Variants in PDLIM7 observed in about 807,000 individuals in gnomAD.
PDLIM7 encodes PDZ and LIM domain 7.
PDLIM7 carries 37 observed loss-of-function variants against 53.9 expected under a neutral mutation model. That is an observed-to-expected ratio of 0.69 (90% CI 0.53 to 0.90). The LOEUF (loss-of-function observed/expected upper bound fraction) is 0.90, where lower values mean the gene tolerates loss of function less well. Among genes scored for constraint, PDLIM7 ranks in the 40% least tolerant of loss-of-function variants. The probability of loss-of-function intolerance (pLI) is 0.00; values close to 1 mark genes in which losing one functional copy is unlikely to be tolerated. For missense variants in PDLIM7, 617 were observed against 638.5 expected, an observed-to-expected ratio of 0.97 and a Z score of 0.36; for synonymous variants, 300 against 261.3, an observed-to-expected ratio of 1.15 and a Z score of -1.43.
chr5:177,487,636 C>A (rs1295497369), intron 10 of PDLIM7, among the ~76,000 whole-genome samples: 1 of 152,338 alleles, frequency 6.6e-6, no homozygotes, highest in Admixed American at 6.5e-5. Context: ...TCCCACTGCT[C>A]GTGGTCAAGG....
At chr5:177,492,793 T>C (rs1758873234) in intron 2 of PDLIM7, 116 bp from the exon 3 acceptor site, 8 of 1,151,902 alleles carry the variant, frequency 6.9e-6, no homozygotes, top group Admixed American at 2.0e-5. Context: ...CAGAGAGCTC[T>C]TCATTCAACA....
In PDLIM7 at chr5:177,483,946, C is replaced by T. The variant is rs746444444; in HGVS notation, c.1208G>A (p.Cys403Tyr). Residue 403 changes from cysteine (C) to tyrosine (Y), a missense_variant, in exon 12 of 13, where the codon TGT becomes TAT. Coordinates refer to ENST00000355841, the MANE Select transcript of PDLIM7 (RefSeq NM_005451.5). The stretch of plus-strand genomic sequence containing the variant: ...GTCCCCAGCGTCGATCTTGAAGTCA[C>T]AGCCATGGCATTTCGTGCCAAACAT... ...EKMFGTKCHG[C>Y]DFKIDAGDRF... 3 of 1,613,980 alleles carry T rather than the reference C, an allele frequency of 1.9e-6. No homozygotes were observed. The highest frequency in any genetic ancestry group is 1.1e-5 in the South Asian group (1 of 91,088).
chr5:177,492,602 C>T lies in PDLIM7; in HGVS notation c.172G>A (p.Ala58Thr). The change falls in exon 3 of 13, where the codon GCG becomes ACG. Residue 58 changes from alanine to threonine, a missense_variant. Transcript: ENST00000355841. Reference sequence around the variant, plus strand: ...GCTTCGATGTGTGTGAGGCTACCCGCATTCTCGCCATCGATGCTCAGCACC... The same window carrying T: ...GCTTCGATGTGTGTGAGGCTACCCGTATTCTCGCCATCGATGCTCAGCACC... ...DWVLSIDGEN[A>T]GSLTHIEAQN... The T allele has an allele frequency of 6.2e-7, 1 of 1,613,038 alleles. No individual in the cohort carries two copies.
At chr5:177,492,249 G>T in intron 4 of PDLIM7, 156 bp downstream of exon 4, 1 of 885,254 alleles carries the variant, frequency 1.1e-6, no homozygotes, top group Non-Finnish European at 1.7e-6. Context: ...GCAGCCCCTG[G>T]CTCAACTCCA....
At chr5:177,496,743 G>T in intron 1 of PDLIM7, 2 of 364,146 alleles carry the variant, frequency 5.5e-6, no homozygotes, top group South Asian at 1.1e-4. Context: ...CTCCCCTTGG[G>T]ACTGGAACGG....
chr5:177,489,328 G>A, intron 9 of PDLIM7, 65 bp downstream of exon 9: 1 of 1,228,504 alleles, frequency 8.1e-7, no homozygotes, highest in Non-Finnish European at 1.1e-6. Context: ...AAGACAGGTG[G>A]GCAGACAGGT....
intron 2 of PDLIM7, among the ~76,000 whole-genome samples, chr5:177,494,136 A>G (rs1232800557): frequency 3.3e-5 from 5 of 152,228 alleles, no homozygotes; most frequent in African/African-American, 1.2e-4. Context: ...GAATCTTCCA[A>G]CAACCTTGTG....
intron 2 of PDLIM7, 104 bp from the exon 3 acceptor site, chr5:177,492,781 C>T: frequency 7.9e-7 from 1 of 1,260,252 alleles, no homozygotes; most frequent in East Asian, 2.3e-5. Flanking sequence ...ACTTCCAGAA[C>T]CCAGAGAGCT....
chr5:177,495,673 G>A (rs1297862037), intron 2 of PDLIM7, among the ~76,000 whole-genome samples: 2 of 152,220 alleles, frequency 1.3e-5, no homozygotes, highest in Non-Finnish European at 2.9e-5. Context: ...CCATCCCAGC[G>A]TGGGGCTGCA....
At chr5:177,489,999 G>C in intron 7 of PDLIM7, 167 bp from the exon 8 acceptor site, 3 of 1,535,004 alleles carry the variant, frequency 2.0e-6, no homozygotes, top group Non-Finnish European at 8.7e-7. Flanking sequence ...GCTTCTCCTA[G>C]CAATGTCCAG....
rs1473578237 is a variant in PDLIM7, at chr5:177,491,123, G to A, written c.422C>T (p.Pro141Leu). The A allele has an allele frequency of 1.2e-6, 2 of 1,611,756 alleles. No individual in the cohort carries two copies. The highest frequency in any genetic ancestry group is 1.7e-6 in the Non-Finnish European group (2 of 1,179,144). Residue 141 changes from proline (P) to leucine (L), a missense_variant, in exon 6 of 13, where the codon CCA becomes CTA. Pro to Leu is a moderately conservative substitution (Grantham distance 98, BLOSUM62 -3). Transcript: ENST00000355841. ...CATCAGCCGCTGCTTGCTGGCATCT[G>A]GGACCAGCGGTCGGAGCGGCTGTCT... The part of the protein sequence containing the change: ...QNGQPLRPLV[P>L]DASKQRLMEN...
chr5:177,486,687 G>A (rs1327997071), intron 10 of PDLIM7, among the ~76,000 whole-genome samples: 1 of 152,070 alleles, frequency 6.6e-6, no homozygotes, highest in African/African-American at 2.4e-5. Flanking sequence ...CGCCCAGGCT[G>A]GAGTGCAGTG....
intron 10 of PDLIM7, among the ~76,000 whole-genome samples, chr5:177,486,595 TG>T (rs1758452260): frequency 6.6e-6 from 1 of 151,282 alleles, no homozygotes; most frequent in African/African-American, 2.5e-5. Context: ...ACCAGGGGTG[TG>T]GGCTGGTAGG....
rs1355658332 is a variant in PDLIM7, at chr5:177,491,897, C to A, written c.308G>T (p.Arg103Leu). 2 of 1,110,392 alleles carry A rather than the reference C, an allele frequency of 1.8e-6. No individual in the cohort carries two copies. The highest frequency in any genetic ancestry group is 6.1e-5 in the East Asian group (1 of 16,474). The allele number at this position is 1,110,392 out of a possible 1,614,324, so 68.8% of individuals were successfully genotyped here. ...GGAGACGCTGGGTGCAAAGGTGTAC[C>A]GCGGAGGGTCCGCGGCGGGGGCGGA... ...KASAPAADPP[R>L]YTFAPSVSLN... The change falls in exon 5 of 13, where the codon CGG (arginine) becomes CTG (leucine). Residue 103 changes from arginine (R) to leucine (L), a missense_variant. Arg to Leu is a moderately radical substitution (Grantham distance 102, BLOSUM62 -2). Coordinates refer to ENST00000355841, the MANE Select transcript of PDLIM7 (RefSeq NM_005451.5).
intron 10 of PDLIM7, 40 bp downstream of exon 10, chr5:177,488,028 C>G: frequency 6.5e-7 from 1 of 1,539,060 alleles, no homozygotes; most frequent in Non-Finnish European, 8.8e-7. Context: ...TTCCCACTGA[C>G]AGGCTTGGGA....
chr5:177,497,361 G>A (rs946567657), intron 1 of PDLIM7, among the ~76,000 whole-genome samples, 167 bp downstream of exon 1: 10 of 152,134 alleles, frequency 6.6e-5, no homozygotes, highest in Non-Finnish European at 1.5e-4. Flanking sequence ...CGGCCCCGCC[G>A]CAGCCGGCTT....
chr5:177,486,864 C>T (rs1369359505), intron 10 of PDLIM7, among the ~76,000 whole-genome samples: 2 of 150,262 alleles, frequency 1.3e-5, no homozygotes, highest in Non-Finnish European at 2.9e-5. Flanking sequence ...ATCTCCTGAC[C>T]TCGTGATCCG....
In PDLIM7 at chr5:177,491,883, G is replaced by A. The variant is rs1052142870; in HGVS notation, c.322C>T (p.Pro108Ser). The change falls in exon 5 of 13, where the codon CCC (proline) becomes TCC (serine). Residue 108 changes from proline to serine, a missense_variant. Coordinates refer to ENST00000355841, the MANE Select transcript of PDLIM7 (RefSeq NM_005451.5). ...AADPPRYTFA[P>S]SVSLNKTARP... ...GCCGTCTTGTTGAGGGAGACGCTGG[G>A]TGCAAAGGTGTACCGCGGAGGGTCC... 2.3e-6 allele frequency: 3 copies of A among 1,284,040 alleles called. No homozygotes were observed. The highest frequency in any genetic ancestry group is 2.0e-6 in the Non-Finnish European group (2 of 1,011,798). 79.5% of individuals were successfully genotyped at this position (1,284,040 alleles called of 1,614,324 possible).
In PDLIM7 at chr5:177,496,460, A is replaced by C; in HGVS notation, c.53T>G (p.Leu18Arg). Reference sequence around the variant, plus strand: ...CACATTGAAGTCCTTGCCCCCTTGCAGCCGGAAGCCCCAAGGTGCTGGCCC... The same window carrying C: ...CACATTGAAGTCCTTGCCCCCTTGCCGCCGGAAGCCCCAAGGTGCTGGCCC... ...LEGPAPWGFR[L>R]QGGKDFNVPL... The change falls in exon 2 of 13, where the codon CTG (leucine) becomes CGG (arginine). Residue 18 changes from leucine (L) to arginine (R), a missense_variant. Coordinates refer to ENST00000355841, the MANE Select transcript of PDLIM7 (RefSeq NM_005451.5). 1 of 1,605,134 alleles carries C rather than the reference A, an allele frequency of 6.2e-7. No homozygotes were observed. The highest frequency in any genetic ancestry group is 8.5e-7 in the Non-Finnish European group (1 of 1,175,666).
Sources: gnomAD v4.1 joint callset for allele counts (sites outside exome capture counted in the v4.1 genomes callset) on GRCh38, gnomAD v4.1.1 for gene constraint, MANE v1.5 for transcripts, NCBI Gene and HGNC (gene_info 2026-07-23, HGNC 2026-07-21) for gene names.